The following MTOR variants were observed in gnomAD, a reference collection of about 807,000 sequenced individuals.
The protein encoded by MTOR is serine/threonine-protein kinase mTOR.
In MTOR, 70 loss-of-function variants were observed where a neutral mutation model predicts 319.8. The ratio of observed to expected loss-of-function variants is 0.22; its 90% confidence interval spans 0.18 to 0.27. The LOEUF is 0.27. Among genes scored for constraint, MTOR ranks in the 10% least tolerant of loss-of-function variants. MTOR has a pLI of 1.00. For synonymous variants in MTOR, 1,183 were observed against 1,211.4 expected (o/e 0.98, Z 0.49); for missense variants, 1,890 against 3,274.4 (o/e 0.58, Z 10.32).
At chr1:11,241,860 T>C (rs571148520) in intron 9 of MTOR, among the ~76,000 whole-genome samples, 179 bp from the exon 10 acceptor site, 2 of 152,304 alleles carry the variant, frequency 1.3e-5, no homozygotes, top group South Asian at 2.1e-4. Flanking sequence ...TGTAGATTTG[T>C]ACATTTCTAC....
chr1:11,118,228 A>ATTTTTTTTTTTTTTTTTTTTTT (rs771785403), intron 49 of MTOR, among the ~76,000 whole-genome samples: 1 of 120,766 alleles, frequency 8.3e-6, no homozygotes, highest in African/African-American at 4.0e-5. Flanking sequence ...AACTTAGTTA[A>ATTTTTTTTTTTTTTTTTTTTTT]TTTTTTTTTT....
At position 11,122,141 on chromosome 1, in the gene MTOR, A is replaced by T; in HGVS notation, c.6663-15T>A. 6.2e-7 allele frequency: 1 copy of T among 1,614,166 alleles called. No homozygotes were observed. Among genetic ancestry groups the T allele is most frequent in the Non-Finnish European group, 8.5e-7 (1 of 1,179,988 alleles). ...ATCTCTGGATGCTGGCGCCCACAGA[A>T]AAGCAGGGTTAGTGTACCGTAAAGA... On this transcript the variant is annotated splice_polypyrimidine_tract_variant and intron_variant, in intron 47 of 57. Coordinates refer to ENST00000361445, the MANE Select transcript of MTOR (RefSeq NM_004958.4).
chr1:11,231,473 G>A lies in MTOR; in HGVS notation c.2515-39C>T, dbSNP rs769913279. On this transcript the variant is annotated intron_variant, in intron 16 of 57. Transcript: ENST00000361445. ...AGAACACGATTCAATGAGCCAGTAC[G>A]AGAGAAAAGAAAGCATAGTTGAACT... 9.9e-6 allele frequency: 16 copies of A among 1,608,314 alleles called. No homozygotes were observed. The African/African-American group carries it at 1.1e-4, about 11-fold the overall frequency.
rs373959556 is a variant in MTOR, at chr1:11,139,554, C to G, written c.4977G>C (p.Leu1659=). 1 of 1,614,098 alleles carries G rather than the reference C, an allele frequency of 6.2e-7. No individual in the cohort carries two copies. The highest frequency in any genetic ancestry group is 1.3e-5 in the African/African-American group (1 of 74,926). Residue 1659 remains leucine (L), a synonymous_variant, in exon 35 of 58, where the codon CTG becomes CTC. Coordinates refer to ENST00000361445, the MANE Select transcript of MTOR (RefSeq NM_004958.4). ...TCACCAGCCTGCCACTCTTGCCGCACAGGCTTGCATACTTGAGCCAGGTTC... is the reference window on the plus strand; with the variant it reads ...TCACCAGCCTGCCACTCTTGCCGCAGAGGCTTGCATACTTGAGCCAGGTTC... ...DMRTWLKYAS[L]CGKSGRLALA... is the part of the protein sequence containing the mutation.
intron 49 of MTOR, among the ~76,000 whole-genome samples, chr1:11,120,938 C>A (rs1258239875): frequency 2.6e-5 from 4 of 152,028 alleles, no homozygotes; most frequent in African/African-American, 9.7e-5. Context: ...AAACTCCAAA[C>A]CAAAGAACAC....
chr1:11,176,395 A>G (rs893290955), intron 28 of MTOR, among the ~76,000 whole-genome samples: 1 of 152,234 alleles, frequency 6.6e-6, no homozygotes, highest in South Asian at 2.1e-4. Flanking sequence ...GTCCTCAGGC[A>G]GCAAGGAGCA....
intron 36 of MTOR, among the ~76,000 whole-genome samples, chr1:11,136,319 C>T (rs918950072): frequency 2.0e-5 from 3 of 152,178 alleles, no homozygotes; most frequent in Non-Finnish European, 4.4e-5. Flanking sequence ...AGCAGCTAAT[C>T]CATGCATGAG....
Position 11,240,635 on chromosome 1 carries a change from G to T in MTOR, c.1542-88C>A, listed in dbSNP as rs1417316758. On this transcript the variant is annotated intron_variant, in intron 10 of 57. Coordinates refer to ENST00000361445, the MANE Select transcript of MTOR (RefSeq NM_004958.4). ...AGAAACAGCTTTCTCTCCCAGCAAG[G>T]GGATCAGGCCTCTGTTCTTCAGAGT... The T allele has an allele frequency of 1.2e-5, 18 of 1,500,446 alleles. No individual in the cohort carries two copies. In the East Asian group the frequency reaches 4.1e-4, roughly 34 times the overall value. 92.9% of individuals were successfully genotyped at this position (1,500,446 alleles called of 1,614,324 possible). A position where few individuals can be genotyped will look rare whatever the true frequency, so the allele number is the denominator to read the frequency against.
At chr1:11,183,372 A>G (rs1645217834) in intron 28 of MTOR, among the ~76,000 whole-genome samples, 1 of 152,012 alleles carries the variant, frequency 6.6e-6, no homozygotes, top group African/African-American at 2.4e-5. Context: ...GGCTCAAGCA[A>G]TCCTTCCACC....
intron 29 of MTOR, among the ~76,000 whole-genome samples, chr1:11,164,126 C>T (rs1335279524): frequency 2.5e-4 from 38 of 151,940 alleles, no homozygotes; most frequent in Non-Finnish European, 4.3e-4. Flanking sequence ...GGGCGGATCA[C>T]GAGGTCAGGA....
chr1:11,209,477 A>G lies in MTOR; in HGVS notation c.3655-19T>C. 1.9e-6 allele frequency: 3 copies of G among 1,614,028 alleles called. No individual in the cohort carries two copies. Among genetic ancestry groups the G allele is most frequent in the South Asian group, 1.1e-5 (1 of 91,076 alleles). ...TGTATCCCTACAACCAAAGATTTAT[A>G]GGAAACACCTATAACTCTACTAGAT... On this transcript the variant is annotated intron_variant, in intron 24 of 57. Transcript: ENST00000361445.
At chr1:11,190,518 C>A (rs541194297) in intron 28 of MTOR, among the ~76,000 whole-genome samples, 2 of 152,256 alleles carry the variant, frequency 1.3e-5, no homozygotes, top group African/African-American at 4.8e-5. Flanking sequence ...AGGAAGGATG[C>A]GGCTCCTTAA....
rs1646351628 is a variant in MTOR, at chr1:11,212,739, A to AT, written c.3398+56dup. 16 of 1,444,146 alleles carry AT rather than the reference A, an allele frequency of 1.1e-5. No homozygotes were observed. The East Asian group carries it at 3.4e-4, about 31-fold the overall frequency. The allele number at this position is 1,444,146 out of a possible 1,614,324, so 89.5% of individuals were successfully genotyped here. A position where few individuals can be genotyped will look rare whatever the true frequency, so the allele number is the denominator to read the frequency against. ...TGGCCTGGGAACTTAAGAAATGAAC[A>AT]TTTTCAACAAAACATTAAAGCTTAA... On this transcript the variant is annotated intron_variant, in intron 22 of 57. Coordinates refer to ENST00000361445, the MANE Select transcript of MTOR (RefSeq NM_004958.4). This position sits in a 1 kb window ranked among gnomAD's most constrained non-coding sequence, Gnocchi z 4.1.
chr1:11,110,341 T>C (rs188915319), intron 54 of MTOR, among the ~76,000 whole-genome samples: 1 of 152,330 alleles, frequency 6.6e-6, no homozygotes, highest in Admixed American at 6.5e-5. Context: ...ATCAGAATTA[T>C]GAAGTTTTTT....
chr1:11,238,128 A>C, intron 12 of MTOR, 80 bp from the exon 13 acceptor site: 1 of 1,343,168 alleles, frequency 7.4e-7, no homozygotes, highest in South Asian at 1.2e-5. Context: ...CTCCACTGCC[A>C]TCAGCGTAGT....
Position 11,228,995 on chromosome 1 carries a change from A to G in MTOR, c.2780-77T>C, listed in dbSNP as rs1042544017. 3 of 1,528,170 alleles carry G rather than the reference A, an allele frequency of 2.0e-6. No individual in the cohort carries two copies. In the African/African-American group the frequency reaches 4.1e-5, roughly 21 times the overall value. 94.7% of individuals were successfully genotyped at this position (1,528,170 alleles called of 1,614,324 possible). A position where few individuals can be genotyped will look rare whatever the true frequency, so the allele number is the denominator to read the frequency against. On this transcript the variant is annotated intron_variant, in intron 18 of 57. Transcript: ENST00000361445. ...TCAGGCAGAGCATGGTTAGTAACAA[A>G]CAACCTCCTAACAGACATTAGCATT...
chr1:11,228,580 A>C, intron 19 of MTOR, 88 bp downstream of exon 19: 1 of 1,531,486 alleles, frequency 6.5e-7, no homozygotes, highest in Admixed American at 1.8e-5. Flanking sequence ...GGCACAGAGA[A>C]TGCACAATTA....
intron 2 of MTOR, 132 bp from the exon 3 acceptor site, chr1:11,258,725 C>T (rs966752474): frequency 2.7e-5 from 17 of 627,830 alleles, no homozygotes; most frequent in Middle Eastern, 3.9e-4. Context: ...CAAGTTACTG[C>T]CCATTTCTAT....
intron 28 of MTOR, among the ~76,000 whole-genome samples, chr1:11,175,605 C>T (rs1409380377): frequency 6.6e-6 from 1 of 152,228 alleles, no homozygotes; most frequent in African/African-American, 2.4e-5. Flanking sequence ...GGCAAGCATG[C>T]GAGCTGAGCA....
Sources: gnomAD v4.1 joint callset for allele counts (sites outside exome capture counted in the v4.1 genomes callset) on GRCh38, gnomAD v4.1.1 for gene constraint, Gnocchi (gnomAD v3.1) non-coding constraint, MANE v1.5 for transcripts, NCBI Gene and HGNC (gene_info 2026-07-23, HGNC 2026-07-21) for gene names.